VAV3: variants seen among roughly 807,000 people sequenced by gnomAD.
VAV3 encodes vav guanine nucleotide exchange factor 3, also known as guanine nucleotide exchange factor VAV3.
In VAV3, 94 loss-of-function variants were observed where a neutral mutation model predicts 131.2. That is an observed-to-expected ratio of 0.72 (90% confidence interval 0.61 to 0.85). The LOEUF (loss-of-function observed/expected upper bound fraction) is 0.85, where lower values mean the gene tolerates loss of function less well. VAV3 is among the 40% of genes least tolerant of loss of function. The probability of loss-of-function intolerance (pLI) is 0.00; values close to 1 mark genes in which losing one functional copy is unlikely to be tolerated. For missense variants in VAV3, 939 were observed against 1,002.7 expected, an observed-to-expected ratio of 0.94 and a Z score of 0.86; for synonymous variants, 349 against 342.0, an observed-to-expected ratio of 1.02 and a Z score of -0.22.
At chr1:107,594,394 G>T (rs7537311) in intron 25 of VAV3, among the ~76,000 whole-genome samples, 58,950 of 151,742 alleles carry the variant, frequency 0.39, 11,855 homozygotes, top group South Asian at 0.5. Flanking sequence ...AAAACCAAAC[G>T]ATAACAAATA....
chr1:107,573,765 G>T (rs1359364696), intron 26 of VAV3, among the ~76,000 whole-genome samples: 2 of 152,146 alleles, frequency 1.3e-5, no homozygotes, highest in African/African-American at 4.8e-5. Context: ...CTATGGCTCA[G>T]GGTCTAAAAA....
chr1:107,591,059 A>G (rs1318402703), intron 25 of VAV3, among the ~76,000 whole-genome samples: 1 of 152,166 alleles, frequency 6.6e-6, no homozygotes, highest in African/African-American at 2.4e-5. Context: ...CCTTAAAAAT[A>G]TGAAGTTCTC....
rs563147528 is a variant in VAV3, at chr1:107,593,028, C to A, written c.2350+3184G>T. 3.9e-5 allele frequency among the ~76,000 whole-genome samples: 6 copies of A among 152,138 alleles called. No individual in the cohort carries two copies. The South Asian group carries it at 1.2e-3, about 32-fold the overall frequency. On this transcript the variant is annotated intron_variant, in intron 25 of 26. Coordinates refer to ENST00000370056, the MANE Select transcript of VAV3 (RefSeq NM_006113.5). ...CCTGAGTTCTCTCTTTGTTCTTTTT[C>A]TTTCTCTCTTTTCTTCTCCCTTAGA...
chr1:107,819,509 A>ATGTT (rs1222839984), intron 2 of VAV3, among the ~76,000 whole-genome samples: 12 of 151,116 alleles, frequency 7.9e-5, no homozygotes, highest in African/African-American at 2.9e-4. Flanking sequence ...TCTGTCTCAA[A>ATGTT]AAAAAAAAAA....
intron 19 of VAV3, among the ~76,000 whole-genome samples, chr1:107,662,624 A>T (rs1657106067): frequency 6.6e-6 from 1 of 152,236 alleles, no homozygotes; most frequent in Non-Finnish European, 1.5e-5. Context: ...AGCTTCTTAT[A>T]GCCCAAATGC....
intron 2 of VAV3, among the ~76,000 whole-genome samples, chr1:107,779,883 T>A (rs1451639941): frequency 5.9e-5 from 9 of 152,190 alleles, no homozygotes; most frequent in Admixed American, 2.0e-4. Context: ...TTAAATTAAT[T>A]TAAATTTTAA....
chr1:107,631,599 G>T (rs1286054046), intron 20 of VAV3, among the ~76,000 whole-genome samples: 1 of 149,554 alleles, frequency 6.7e-6, no homozygotes, highest in African/African-American at 2.5e-5. Context: ...TTAGCATTAG[G>T]TATATCTCCT....
chr1:107,602,954 T>C, intron 23 of VAV3, 93 bp downstream of exon 23: 1 of 904,868 alleles, frequency 1.1e-6, no homozygotes, highest in Non-Finnish European at 1.7e-6. Flanking sequence ...AATTAGAACT[T>C]TGGTTTTCAC....
chr1:107,622,421 A>T (rs1653678263), intron 20 of VAV3, among the ~76,000 whole-genome samples: 1 of 152,148 alleles, frequency 6.6e-6, no homozygotes, highest in South Asian at 2.1e-4. Context: ...GACAAAACAT[A>T]TCTTCTGAAA....
intron 25 of VAV3, among the ~76,000 whole-genome samples, chr1:107,580,814 A>T (rs1156515464): frequency 6.6e-6 from 1 of 152,226 alleles, no homozygotes; most frequent in Admixed American, 6.5e-5. Flanking sequence ...ATATTTTTAG[A>T]ATGATTTAAC....
chr1:107,792,184 TACTC>T (rs1305152305), intron 2 of VAV3, among the ~76,000 whole-genome samples: 1 of 152,214 alleles, frequency 6.6e-6, no homozygotes, highest in African/African-American at 2.4e-5. Context: ...ACTCATCTGT[TACTC>T]ACTTCACCAT....
intron 25 of VAV3, among the ~76,000 whole-genome samples, chr1:107,580,393 A>G (rs1448338640): frequency 6.6e-6 from 1 of 152,112 alleles, no homozygotes; most frequent in African/African-American, 2.4e-5. Flanking sequence ...ACCACCATCT[A>G]TCAGTGATAT....
At chr1:107,732,307 C>T (rs966204403) in intron 15 of VAV3, among the ~76,000 whole-genome samples, 24 of 152,198 alleles carry the variant, frequency 1.6e-4, no homozygotes, top group Admixed American at 1.3e-3. Context: ...ACGCAGAAGA[C>T]GGGTGATTTC....
chr1:107,838,339 A>G (rs913599929), intron 2 of VAV3, among the ~76,000 whole-genome samples: 4 of 152,232 alleles, frequency 2.6e-5, no homozygotes, highest in Non-Finnish European at 5.9e-5. Context: ...CAAGTCTCCA[A>G]CAAACATAAA....
intron 1 of VAV3, among the ~76,000 whole-genome samples, chr1:107,948,909 C>T (rs1479914908): frequency 6.6e-6 from 1 of 152,070 alleles, no homozygotes; most frequent in African/African-American, 2.4e-5. Flanking sequence ...TCAAATAGGA[C>T]CATTCTAGTC....
At chr1:107,638,847 A>G (rs913337877) in intron 20 of VAV3, among the ~76,000 whole-genome samples, 9 of 152,158 alleles carry the variant, frequency 5.9e-5, no homozygotes, top group African/African-American at 1.7e-4. Context: ...TCAATGTAAC[A>G]AAATAACAGT....
chr1:107,787,782 G>A (rs1386587503), intron 2 of VAV3, among the ~76,000 whole-genome samples: 1 of 152,152 alleles, frequency 6.6e-6, no homozygotes, highest in African/African-American at 2.4e-5. Context: ...GAAGGTCATT[G>A]AGCAAATTTT....
At chr1:107,577,344 G>A (rs1649730803) in intron 25 of VAV3, among the ~76,000 whole-genome samples, 1 of 152,224 alleles carries the variant, frequency 6.6e-6, no homozygotes, top group Non-Finnish European at 1.5e-5. Context: ...CACCTCCGCA[G>A]GCAGCTATAT....
At chr1:107,632,475 T>G (rs1654577619) in intron 20 of VAV3, among the ~76,000 whole-genome samples, 1 of 152,202 alleles carries the variant, frequency 6.6e-6, no homozygotes, top group African/African-American at 2.4e-5. Context: ...TGACTTGAAT[T>G]TAGTTTTTCT....
Sources: gnomAD v4.1 joint callset for allele counts (sites outside exome capture counted in the v4.1 genomes callset) on GRCh38, gnomAD v4.1.1 for gene constraint, MANE v1.5 for transcripts, NCBI Gene and HGNC (gene_info 2026-07-23, HGNC 2026-07-21) for gene names.